HS3ST4: variants seen among roughly 807,000 people sequenced by gnomAD.
HS3ST4 encodes heparan sulfate-glucosamine 3-sulfotransferase 4.
A neutral mutation model predicts 29.2 loss-of-function variants in HS3ST4; 17 were observed. The observed-to-expected ratio is 0.58, with a 90% confidence interval of 0.40 to 0.87. The LOEUF is 0.87. HS3ST4 is among the 40% of genes least tolerant of loss of function. The pLI is 0.00. For synonymous variants in HS3ST4, 314 were observed against 285.7 expected, an observed-to-expected ratio of 1.10 and a Z score of -1.00; for missense variants, 627 against 634.5, an observed-to-expected ratio of 0.99 and a Z score of 0.13.
At chr16:26,001,482 A>G (rs563821767) in intron 1 of HS3ST4, among the ~76,000 whole-genome samples, 2 of 152,270 alleles carry the variant, frequency 1.3e-5, no homozygotes, top group African/African-American at 4.8e-5. Flanking sequence ...ATTATTTATG[A>G]ATACAAAGTT....
rs776023910 is a variant in HS3ST4 at position 25,692,865 on chromosome 16, A to G, written c.448A>G (p.Ile150Val). 8.0e-6 allele frequency: 12 copies of G among 1,506,016 alleles called. No individual in the cohort carries two copies. In the Admixed American group the frequency reaches 2.6e-4, roughly 32 times the overall value. The allele number at this position is 1,506,016 out of a possible 1,614,324, so 93.3% of individuals were successfully genotyped here. A position where few individuals can be genotyped will look rare whatever the true frequency, so the allele number is the denominator to read the frequency against. Residue 150 changes from isoleucine to valine, a missense_variant, in exon 1 of 2, where the codon ATC becomes GTC. By Grantham distance (29) the Ile-to-Val change is conservative (BLOSUM62 3). Transcript: ENST00000331351. ...GACCCCGCTGGCCCCCAGCGAGATG[A>G]TCACGGCTCAGAGCGCGCTGCCGGA... ...LRTPLAPSEM[I>V]TAQSALPERE...
intron 1 of HS3ST4, among the ~76,000 whole-genome samples, chr16:25,896,232 G>A: frequency 6.6e-6 from 1 of 152,166 alleles, no homozygotes; most frequent in East Asian, 1.9e-4. Flanking sequence ...TGTCTTGGGT[G>A]ATTCAACAGA....
chr16:26,028,776 T>C (rs1969503032), intron 1 of HS3ST4: 1 of 152,274 alleles, frequency 6.6e-6, no homozygotes. Context: ...TGATTGTATC[T>C]CTGGGCGGAG....
chr16:25,921,654 G>A (rs568342450), intron 1 of HS3ST4, among the ~76,000 whole-genome samples: 366 of 152,206 alleles, frequency 2.4e-3, no homozygotes, highest in Non-Finnish European at 4.2e-3. Flanking sequence ...ACTTTTTGGT[G>A]CCACTTCTAG....
chr16:26,070,850 G>C (rs189530137), intron 1 of HS3ST4, among the ~76,000 whole-genome samples: 4 of 152,114 alleles, frequency 2.6e-5, no homozygotes, highest in Admixed American at 6.5e-5. Context: ...TTTAAAAAAG[G>C]CATTCCATTG....
chr16:25,794,435 C>G (rs552194666), intron 1 of HS3ST4, among the ~76,000 whole-genome samples: 11 of 151,658 alleles, frequency 7.3e-5, no homozygotes, highest in Admixed American at 6.6e-4. Context: ...TGAATTCTCT[C>G]GGGTTTTATC....
At chr16:25,756,742 AG>A (rs1208217179) in intron 1 of HS3ST4, among the ~76,000 whole-genome samples, 2 of 152,202 alleles carry the variant, frequency 1.3e-5, no homozygotes, top group African/African-American at 4.8e-5. Flanking sequence ...CAGAGAGATG[AG>A]GAAGGATAAA....
intron 1 of HS3ST4, among the ~76,000 whole-genome samples, chr16:26,029,942 G>A (rs563396282): frequency 1.3e-5 from 2 of 152,148 alleles, no homozygotes; most frequent in Non-Finnish European, 2.9e-5. Context: ...CCTCTTTGCT[G>A]AAAAACACCC....
At chr16:26,112,250 A>T (rs201342675) in intron 1 of HS3ST4, among the ~76,000 whole-genome samples, 1 of 148,450 alleles carries the variant, frequency 6.7e-6, no homozygotes, top group African/African-American at 2.5e-5. Context: ...GTGTGTGTGT[A>T]TGTGTGTGTG....
intron 1 of HS3ST4, among the ~76,000 whole-genome samples, chr16:25,847,176 C>G (rs2141647751): frequency 6.6e-6 from 1 of 152,194 alleles, no homozygotes; most frequent in South Asian, 2.1e-4. Context: ...TGTCTTTTAA[C>G]TTATTTATTG....
intron 1 of HS3ST4, among the ~76,000 whole-genome samples, chr16:25,755,665 T>A (rs906455358): frequency 3.3e-5 from 5 of 152,212 alleles, no homozygotes; most frequent in African/African-American, 1.2e-4. Flanking sequence ...AATTAGGACA[T>A]CTTTTACATT....
At chr16:25,794,235 A>G (rs977876906) in intron 1 of HS3ST4, among the ~76,000 whole-genome samples, 1 of 152,134 alleles carries the variant, frequency 6.6e-6, no homozygotes, top group African/African-American at 2.4e-5. Flanking sequence ...ATGCATTTTA[A>G]TTCTTCATTA....
chr16:25,702,299 A>G (rs1966339411), intron 1 of HS3ST4, among the ~76,000 whole-genome samples: 2 of 152,222 alleles, frequency 1.3e-5, no homozygotes, highest in Admixed American at 1.3e-4. Context: ...GGAAAAAACA[A>G]TGTATAATTT....
At position 26,137,413 on chromosome 16, in the gene HS3ST4, C is replaced by T. The variant is rs148325442; in HGVS notation, c.*1165C>T. The T allele has an allele frequency of 6.6e-6, 1 of 152,098 alleles. No homozygotes were observed. Among genetic ancestry groups the T allele is most frequent in the African/African-American group, 2.4e-5 (1 of 41,396 alleles). 9.4% of individuals were successfully genotyped at this position (152,098 alleles called of 1,614,324 possible). On this transcript the variant is annotated 3_prime_UTR_variant, in exon 2 of 2. Transcript: ENST00000331351. ...AGAAAGCTGACTCCATTCATCAGAT[C>T]CAGTTTATGAGGGTTGGGGGTGAGC...
chr16:25,993,702 G>A (rs72778336), intron 1 of HS3ST4, among the ~76,000 whole-genome samples: 31,725 of 151,656 alleles, frequency 0.21, 3,498 homozygotes, highest in African/African-American at 0.27. Context: ...CTTGGCACAT[G>A]CTATGCACTC....
intron 1 of HS3ST4, among the ~76,000 whole-genome samples, chr16:26,109,698 T>TTTCAACTCA (rs1252697179): frequency 6.1e-5 from 9 of 147,694 alleles, no homozygotes; most frequent in Non-Finnish European, 1.0e-4. Flanking sequence ...TGAGATCTCT[T>TTTCAACTCA]TTCAACTCAT....
intron 1 of HS3ST4, among the ~76,000 whole-genome samples, chr16:25,728,409 A>G (rs2141592579): frequency 6.6e-6 from 1 of 152,316 alleles, no homozygotes; most frequent in South Asian, 2.1e-4. Flanking sequence ...CTCTGTGCTT[A>G]TTATTTTGAT....
At chr16:25,757,691 G>A (rs372730014) in intron 1 of HS3ST4, among the ~76,000 whole-genome samples, 1 of 151,632 alleles carries the variant, frequency 6.6e-6, no homozygotes, top group Non-Finnish European at 1.5e-5. Flanking sequence ...TTTTCATCTT[G>A]TCAGGTGTCT....
rs1567261435 is a variant in HS3ST4, at chr16:25,873,425, TCCA to T, written c.734+180275_734+180277del. Among the ~76,000 whole-genome samples, 490 of 142,360 alleles carry T rather than the reference TCCA, an allele frequency of 3.4e-3. 5 individuals are homozygous for T. Among genetic ancestry groups the T allele is most frequent in the African/African-American group, 0.012 (454 of 37,824 alleles). The allele number at this position is 142,360 out of a possible 152,430, so 93.4% of individuals were successfully genotyped here. On this transcript the variant is annotated intron_variant, in intron 1 of 1. Coordinates refer to ENST00000331351, the MANE Select transcript of HS3ST4 (RefSeq NM_006040.3). ...ATCCATCCATCCATCCACCCATCCATCCATTAATCCATCCATCCATCCACCCAT... is the reference window on the plus strand; with the variant it reads ...ATCCATCCATCCATCCACCCATCCATTTAATCCATCCATCCATCCACCCAT...
Sources: gnomAD v4.1 joint callset for allele counts (sites outside exome capture counted in the v4.1 genomes callset) on GRCh38, gnomAD v4.1.1 for gene constraint, MANE v1.5 for transcripts, NCBI Gene and HGNC (gene_info 2026-07-23, HGNC 2026-07-21) for gene names.